ANKRD17: variants seen among roughly 807,000 people sequenced by gnomAD.
ANKRD17 encodes ankyrin repeat domain 17.
ANKRD17 carries 19 observed loss-of-function variants against 229.7 expected under a neutral mutation model. That is an observed-to-expected ratio of 0.08 (90% CI 0.06 to 0.12). ANKRD17 has a LOEUF of 0.12. Ranked by LOEUF, ANKRD17 falls within the 10% of genes least tolerant of loss-of-function variation. The pLI, the probability that ANKRD17 is intolerant of heterozygous loss-of-function variation, is 1.00. For missense variants in ANKRD17, 2,176 were observed against 3,176.8 expected (o/e 0.68, Z 7.57); for synonymous variants, 1,112 against 1,146.1 (o/e 0.97, Z 0.60).
At chr4:73,256,288 A>G (rs1745447638) in intron 1 of ANKRD17, among the ~76,000 whole-genome samples, 1 of 152,216 alleles carries the variant, frequency 6.6e-6, no homozygotes, top group Admixed American at 6.5e-5. Context: ...CCGCATTCCA[A>G]TGGACAAAAC....
chr4:73,245,061 C>T (rs952985429), intron 1 of ANKRD17, among the ~76,000 whole-genome samples: 11 of 152,038 alleles, frequency 7.2e-5, no homozygotes. Context: ...TGGCAAACTC[C>T]GACCTACAAG....
chr4:73,163,198 CATCTGGGG>C (rs1352570138), intron 2 of ANKRD17, among the ~76,000 whole-genome samples: 1 of 152,168 alleles, frequency 6.6e-6, no homozygotes, highest in Non-Finnish European at 1.5e-5. Context: ...AGGTTTTCTA[CATCTGGGG>C]ATCCAATTCA....
intron 2 of ANKRD17, among the ~76,000 whole-genome samples, chr4:73,172,169 C>T (rs927346182): frequency 6.6e-6 from 1 of 152,130 alleles, no homozygotes; most frequent in African/African-American, 2.4e-5. Context: ...ATCCTAAAAG[C>T]AGCAAGACAA....
At chr4:73,130,986 A>T (rs1467182696) in intron 16 of ANKRD17, among the ~76,000 whole-genome samples, 2 of 152,208 alleles carry the variant, frequency 1.3e-5, no homozygotes, top group Admixed American at 6.5e-5. Flanking sequence ...TACCAAACTT[A>T]AGCAAAATAA....
At position 73,098,907 on chromosome 4, in the gene ANKRD17, C is replaced by A. The variant is rs1578040541; in HGVS notation, c.4574-387G>T. 1.1e-5 allele frequency: 12 copies of A among 1,131,814 alleles called. No individual in the cohort carries two copies. The East Asian group carries it at 2.8e-4, about 27-fold the overall frequency. 70.1% of individuals were successfully genotyped at this position (1,131,814 alleles called of 1,614,324 possible). A position where few individuals can be genotyped will look rare whatever the true frequency, so the allele number is the denominator to read the frequency against. ...ACTGAGAAGCGGGGCCGGGGCAGGC[C>A]CCGCAAGCAGCCTCTGGTGAGTTCC... On this transcript the variant is annotated intron_variant, in intron 25 of 33. Transcript: ENST00000358602.
chr4:73,123,896 GA>G (rs939671325), intron 18 of ANKRD17, among the ~76,000 whole-genome samples: 14 of 151,930 alleles, frequency 9.2e-5, no homozygotes, highest in African/African-American at 3.1e-4. Context: ...AATATTTTAA[GA>G]AGGATACTGA....
intron 31 of ANKRD17, 57 bp from the exon 32 acceptor site, chr4:73,077,590 A>G: frequency 7.0e-7 from 1 of 1,427,150 alleles, no homozygotes; most frequent in Non-Finnish European, 9.3e-7. Context: ...TCAAAATCAA[A>G]TATTTTGTTT....
intron 14 of ANKRD17, among the ~76,000 whole-genome samples, chr4:73,141,286 G>A (rs1006369624): frequency 1.3e-5 from 2 of 152,168 alleles, no homozygotes; most frequent in Non-Finnish European, 2.9e-5. Context: ...CATATCTCAA[G>A]TAACTGAATT....
At chr4:73,225,784 C>G (rs1742396884) in intron 1 of ANKRD17, among the ~76,000 whole-genome samples, 1 of 138,760 alleles carries the variant, frequency 7.2e-6, no homozygotes, top group South Asian at 2.4e-4. Flanking sequence ...ATCGCTTGAA[C>G]CCGGGAGGTG....
In ANKRD17 at chr4:73,188,169, T is replaced by G. The variant is rs2149047862; in HGVS notation, c.394-10636A>C. On this transcript the variant is annotated intron_variant, in intron 1 of 33. Transcript: ENST00000358602. ...AAACTTAGCTATAAGATGACGACAC[T>G]ACTTTAAAATTTAAAAAGAAAAGGA... 2.0e-5 allele frequency among the ~76,000 whole-genome samples: 3 copies of G among 152,062 alleles called. No homozygotes were observed. The Middle Eastern group carries it at 0.01, about 517-fold the overall frequency.
At chr4:73,155,141 A>G (rs1387852621) in intron 5 of ANKRD17, among the ~76,000 whole-genome samples, 1 of 152,100 alleles carries the variant, frequency 6.6e-6, no homozygotes. Flanking sequence ...AAATCTATCT[A>G]GGCCCAAATT....
intron 18 of ANKRD17, among the ~76,000 whole-genome samples, chr4:73,122,785 T>C (rs895249163): frequency 6.6e-6 from 1 of 152,066 alleles, no homozygotes; most frequent in South Asian, 2.1e-4. Flanking sequence ...AGTGACAAGG[T>C]TATAAAAACA....
At chr4:73,146,264 TACA>T (rs534671392) in intron 10 of ANKRD17, among the ~76,000 whole-genome samples, 2 of 152,300 alleles carry the variant, frequency 1.3e-5, no homozygotes, top group Non-Finnish European at 2.9e-5. Flanking sequence ...GCATTTTCAC[TACA>T]ACATCTCTTA....
rs371574309 is a variant in ANKRD17 at position 73,085,436 on chromosome 4, A to G, written c.6972T>C (p.Asn2324=). The change falls in exon 30 of 34, where the codon AAT becomes AAC. Residue 2324 remains asparagine (N), a synonymous_variant. Transcript: ENST00000358602. The part of the protein sequence containing the change: ...RPAPSPSGIV[N]MDSPYGSVTP... The stretch of plus-strand genomic sequence containing the variant: ...TTACAGAACCATATGGCGAGTCCAT[A>G]TTGACAATACCTATAATGTAGAAGG... The G allele has an allele frequency of 7.4e-6, 12 of 1,613,434 alleles. No individual in the cohort carries two copies. Among genetic ancestry groups the G allele is most frequent in the African/African-American group, 2.7e-5 (2 of 74,918 alleles).
At chr4:73,213,251 A>G (rs2149168298) in intron 1 of ANKRD17, among the ~76,000 whole-genome samples, 1 of 152,304 alleles carries the variant, frequency 6.6e-6, no homozygotes, top group Non-Finnish European at 1.5e-5. Flanking sequence ...GGTTAGAACC[A>G]GGTAAGGATA....
chr4:73,179,724 C>G (rs146818316), intron 1 of ANKRD17, among the ~76,000 whole-genome samples: 1 of 150,718 alleles, frequency 6.6e-6, no homozygotes, highest in Non-Finnish European at 1.5e-5. Flanking sequence ...CTTTGGCCTC[C>G]CAAAGGACGG....
At chr4:73,106,532 C>T (rs891052737) in intron 24 of ANKRD17, among the ~76,000 whole-genome samples, 3 of 152,136 alleles carry the variant, frequency 2.0e-5, no homozygotes, top group Admixed American at 6.5e-5. Flanking sequence ...ATGCAATCAA[C>T]GAAGAGGCAC....
intron 24 of ANKRD17, among the ~76,000 whole-genome samples, chr4:73,106,709 T>A (rs1015755629): frequency 4.3e-4 from 65 of 151,828 alleles, no homozygotes; most frequent in African/African-American, 1.4e-3. Context: ...TGAAACCCCA[T>A]CTCTACTAAA....
At position 73,091,029 on chromosome 4, in the gene ANKRD17, A is replaced by G; in HGVS notation, c.6599T>C (p.Val2200Ala). 1 of 1,614,226 alleles carries G rather than the reference A, an allele frequency of 6.2e-7. No homozygotes were observed. The change falls in exon 29 of 34, where the codon GTT (valine) becomes GCT (alanine). Residue 2200 changes from valine to alanine, a missense_variant. By Grantham distance (64) the Val-to-Ala change is moderately conservative. Around this residue, in one of 18 missense-constraint regions of ANKRD17, gnomAD observed 424 missense variants for 454.0 expected, o/e 0.93. Coordinates refer to ENST00000358602, the MANE Select transcript of ANKRD17 (RefSeq NM_032217.5). ...AATGTGATTGACACTGAGGACTGCA[A>G]CAGATGAATTTTGCACTGAAGCTGA... Reference protein sequence around the residue: ...KNSASVQNSSVAVLSVNHIKR... With the variant: ...KNSASVQNSSAAVLSVNHIKR...
Sources: gnomAD v4.1 joint callset for allele counts (sites outside exome capture counted in the v4.1 genomes callset) on GRCh38, gnomAD v4.1.1 for gene constraint, gnomAD v4.1.1 regional missense constraint, MANE v1.5 for transcripts, NCBI Gene and HGNC (gene_info 2026-07-23, HGNC 2026-07-21) for gene names.